Variants in MXD4 observed in about 807,000 individuals in gnomAD.
The protein encoded by MXD4 is MAX dimerization protein 4, also known as Mad4 homolog.
In MXD4, 16 loss-of-function variants were observed where a neutral mutation model predicts 24.5. That is an observed-to-expected ratio of 0.65 (90% CI 0.44 to 0.99). The LOEUF is 0.99. Ranked by LOEUF, MXD4 falls within the 50% of genes least tolerant of loss-of-function variation. MXD4 has a pLI of 0.00. For synonymous variants in MXD4, 164 were observed against 134.2 expected, an observed-to-expected ratio of 1.22 and a Z score of -1.54; for missense variants, 301 against 301.5, an observed-to-expected ratio of 1.00 and a Z score of 0.01.
chr4:2,258,034 A>G, intron 2 of MXD4, 23 bp from the exon 3 acceptor site: 1 of 1,613,476 alleles, frequency 6.2e-7, no homozygotes, highest in South Asian at 1.1e-5. Context: ...ACAGAAAGAC[A>G]GAGCTCACTC....
intron 3 of MXD4, 94 bp from the exon 4 acceptor site, chr4:2,252,616 T>C (rs1352622621): frequency 3.9e-6 from 3 of 774,086 alleles, no homozygotes; most frequent in Non-Finnish European, 4.2e-6. Flanking sequence ...CACCATCCAC[T>C]GCTGCACATG....
intron 2 of MXD4, among the ~76,000 whole-genome samples, chr4:2,260,784 G>A (rs1735523668): frequency 6.6e-6 from 1 of 152,204 alleles, no homozygotes; most frequent in African/African-American, 2.4e-5. Context: ...GCCATGCCCT[G>A]GGGCTCTGAA....
chr4:2,250,801 T>C, intron 5 of MXD4, 100 bp from the exon 6 acceptor site: 1 of 1,431,440 alleles, frequency 7.0e-7, no homozygotes, highest in Non-Finnish European at 9.4e-7. Context: ...GGGGCAGAAG[T>C]GCGGAGGGCG....
chr4:2,257,911 C>T (rs994481209), intron 3 of MXD4, 71 bp downstream of exon 3: 3 of 1,594,910 alleles, frequency 1.9e-6, no homozygotes, highest in African/African-American at 2.7e-5. Flanking sequence ...GCAGGCTCAA[C>T]GCACCACACA....
At chr4:2,254,251 A>C (rs1208254853) in intron 3 of MXD4, 1 of 152,234 alleles carries the variant, frequency 6.6e-6, no homozygotes, top group Non-Finnish European at 1.5e-5. Context: ...ACCCCAAAAC[A>C]ACCTCATTAT....
chr4:2,260,694 C>G (rs1294723545), intron 2 of MXD4: 1 of 417,230 alleles, frequency 2.4e-6, no homozygotes, highest in Non-Finnish European at 4.8e-6. Flanking sequence ...ACCAATTCCT[C>G]GCCTGGCTCA....
rs993911107 is a variant in MXD4 at position 2,250,449 on chromosome 4, G to A, written c.*95C>T. 57 of 1,379,724 alleles carry A rather than the reference G, an allele frequency of 4.1e-5. No homozygotes were observed. Among genetic ancestry groups the A allele is most frequent in the Non-Finnish European group, 5.1e-5 (53 of 1,038,022 alleles). 85.5% of individuals were successfully genotyped at this position (1,379,724 alleles called of 1,614,324 possible). A position where few individuals can be genotyped will look rare whatever the true frequency, so the allele number is the denominator to read the frequency against. The stretch of plus-strand genomic sequence containing the variant: ...GGAGCTTCCAGAATGGCACAGCAGT[G>A]GGCCTGTGGAGAGGCTGGCGTCAAC... On this transcript the variant is annotated 3_prime_UTR_variant, in exon 6 of 6. Transcript: ENST00000337190.
rs1349475908 is a variant in MXD4 at position 2,247,773 on chromosome 4, G to C, written c.*2771C>G. On this transcript the variant is annotated 3_prime_UTR_variant, in exon 6 of 6. Coordinates refer to ENST00000337190, the MANE Select transcript of MXD4 (RefSeq NM_006454.3). ...GCAGGGACCCTAGGGCCACAGACCG[G>C]TACAGGGTTCCACCACCCGGGGACA... The C allele has an allele frequency of 6.6e-6, 1 of 152,518 alleles. No homozygotes were observed. The highest frequency in any genetic ancestry group is 1.5e-5 in the Non-Finnish European group (1 of 68,236). 9.4% of individuals were successfully genotyped at this position (152,518 alleles called of 1,614,324 possible).
chr4:2,251,995 AT>A (rs1461236465), intron 4 of MXD4, among the ~76,000 whole-genome samples: 2 of 151,470 alleles, frequency 1.3e-5, no homozygotes, highest in Non-Finnish European at 2.9e-5. Context: ...TGGCACCCCC[AT>A]CAGGCTGCCT....
chr4:2,261,739 C>T lies in MXD4; in HGVS notation c.150G>A (p.Lys50=), dbSNP rs1735551843. The change falls in exon 2 of 6, where the codon AAG becomes AAA. Residue 50 remains lysine (K), a synonymous_variant. Transcript: ENST00000337190. ...GGGGGCGGTACCTGTTGTTCGGGGC[C>T]TTGCGCACCAGGCCGGCCGCCTTTG... ...EKTKAAGLVR[K]APNNRSSHNE... 7.1e-7 allele frequency: 1 copy of T among 1,415,116 alleles called. No homozygotes were observed. Among genetic ancestry groups the T allele is most frequent in the African/African-American group, 1.5e-5 (1 of 66,980 alleles). 87.7% of individuals were successfully genotyped at this position (1,415,116 alleles called of 1,614,324 possible).
intron 5 of MXD4, 79 bp downstream of exon 5, chr4:2,251,005 C>G (rs1020322073): frequency 7.0e-7 from 1 of 1,436,698 alleles, no homozygotes; most frequent in Admixed American, 2.7e-5. Flanking sequence ...CAGCACCAGG[C>G]ACCTCCTCTC....
chr4:2,260,915 G>GC (rs753581621), intron 2 of MXD4, among the ~76,000 whole-genome samples: 4 of 152,178 alleles, frequency 2.6e-5, no homozygotes, highest in Non-Finnish European at 5.9e-5. Flanking sequence ...TCCCCGGGGA[G>GC]CCCCGGCCCA....
At chr4:2,258,923 C>A (rs1410349589) in intron 2 of MXD4, 1 of 456,150 alleles carries the variant, frequency 2.2e-6, no homozygotes, top group South Asian at 1.5e-5. Context: ...CAATTCCCAG[C>A]ACCACAGGGT....
chr4:2,253,764 G>GT (rs1735369475), intron 3 of MXD4: 1 of 152,388 alleles, frequency 6.6e-6, no homozygotes, highest in Non-Finnish European at 1.5e-5. Context: ...GGGTGCAGCG[G>GT]TAACAGCCCC....
Position 2,261,744 on chromosome 4 carries a change from G to A in MXD4, c.145C>T (p.Arg49Cys). ...CGGTACCTGTTGTTCGGGGCCTTGC[G>A]CACCAGGCCGGCCGCCTTTGTTTTC... ...REKTKAAGLV[R>C]KAPNNRSSHN... Residue 49 changes from arginine (R) to cysteine (C), a missense_variant, in exon 2 of 6, where the codon CGC becomes TGC. Transcript: ENST00000337190. 4 of 1,416,952 alleles carry A rather than the reference G, an allele frequency of 2.8e-6. No individual in the cohort carries two copies. The highest frequency in any genetic ancestry group is 2.7e-5 in the South Asian group (2 of 73,486). The allele number at this position is 1,416,952 out of a possible 1,614,324, so 87.8% of individuals were successfully genotyped here. A position where few individuals can be genotyped will look rare whatever the true frequency, so the allele number is the denominator to read the frequency against.
At chr4:2,256,418 G>T (rs961433763) in intron 3 of MXD4, among the ~76,000 whole-genome samples, 1 of 152,182 alleles carries the variant, frequency 6.6e-6, no homozygotes, top group East Asian at 1.9e-4. Flanking sequence ...GATGTCCAGG[G>T]CCTGCCTCCC....
chr4:2,257,971 G>C lies in MXD4; in HGVS notation c.194+11C>G. The C allele has an allele frequency of 1.2e-6, 2 of 1,613,724 alleles. No homozygotes were observed. Among genetic ancestry groups the C allele is most frequent in the Non-Finnish European group, 1.7e-6 (2 of 1,179,946 alleles). Reference sequence around the variant, plus strand: ...TGTCGGGCTCATGTGGGGAACTGGGGGGTCACTTACCTGTGCTTTTCTAGC... The same window carrying C: ...TGTCGGGCTCATGTGGGGAACTGGGCGGTCACTTACCTGTGCTTTTCTAGC... On this transcript the variant is annotated intron_variant, in intron 3 of 5. Transcript: ENST00000337190.
At chr4:2,254,341 C>T (rs1404730914) in intron 3 of MXD4, 3 of 151,910 alleles carry the variant, frequency 2.0e-5, no homozygotes, top group Non-Finnish European at 4.4e-5. Context: ...GACAAGTGAC[C>T]CAATTTTGTT....
At chr4:2,259,846 G>A (rs1004378919) in intron 2 of MXD4, among the ~76,000 whole-genome samples, 8 of 152,304 alleles carry the variant, frequency 5.3e-5, no homozygotes, top group African/African-American at 1.7e-4. Flanking sequence ...ACTTCCCACA[G>A]AATGGACCCC....
Sources: allele counts gnomAD v4.1 joint callset (sites outside exome capture counted in the v4.1 genomes callset), GRCh38; gene constraint gnomAD v4.1.1; transcripts MANE v1.5; gene names NCBI Gene and HGNC (gene_info 2026-07-23, HGNC 2026-07-21).